The following CELF4 variants were observed in gnomAD, a reference collection of about 807,000 sequenced individuals.
CELF4 encodes the protein CUGBP Elav-like family member 4, also known as CUG-BP- and ETR-3-like factor 4.
CELF4 carries 18 observed loss-of-function variants against 59.9 expected under a neutral mutation model. The ratio of observed to expected loss-of-function variants is 0.30; its 90% CI spans 0.21 to 0.45. The LOEUF is 0.45. Among genes scored for constraint, CELF4 ranks in the 20% least tolerant of loss-of-function variants. CELF4 has a pLI of 1.00. For synonymous variants in CELF4, 261 were observed against 267.1 expected (o/e 0.98, Z 0.22); for missense variants, 456 against 689.0 (o/e 0.66, Z 3.79).
intron 1 of CELF4, among the ~76,000 whole-genome samples, chr18:37,500,375 C>T (rs1331181926): frequency 6.6e-6 from 1 of 152,308 alleles, no homozygotes; most frequent in East Asian, 1.9e-4. Context: ...GTTGTGGAGA[C>T]CCAGACCCAG....
intron 2 of CELF4, among the ~76,000 whole-genome samples, chr18:37,440,554 G>C (rs996535444): frequency 9.9e-5 from 15 of 152,194 alleles, no homozygotes; most frequent in African/African-American, 3.6e-4. Context: ...CAGGAGGGAA[G>C]GGAGGCACAG....
At chr18:37,459,908 C>T (rs2099788895) in intron 2 of CELF4, among the ~76,000 whole-genome samples, 1 of 152,124 alleles carries the variant, frequency 6.6e-6, no homozygotes, top group Non-Finnish European at 1.5e-5. Flanking sequence ...TACATACGTC[C>T]TTGGAAGGCA....
intron 6 of CELF4, 124 bp from the exon 7 acceptor site, chr18:37,273,287 C>T: frequency 6.9e-7 from 1 of 1,449,962 alleles, no homozygotes; most frequent in Admixed American, 2.7e-5. Context: ...AACTACCACT[C>T]CAGAAAGCCC....
chr18:37,433,045 A>C (rs750180103), intron 2 of CELF4, among the ~76,000 whole-genome samples: 4 of 152,128 alleles, frequency 2.6e-5, no homozygotes, highest in Non-Finnish European at 5.9e-5. Flanking sequence ...ATACAAAACC[A>C]ATGAGTGGAT....
chr18:37,479,115 A>C (rs981619920), intron 2 of CELF4, among the ~76,000 whole-genome samples: 1 of 152,170 alleles, frequency 6.6e-6, no homozygotes, highest in Admixed American at 6.5e-5. Context: ...GTGCATGTGA[A>C]CGGCAGGCGA....
chr18:37,495,076 A>G lies in CELF4; in HGVS notation c.287-9469T>C, dbSNP rs143679750. On this transcript the variant is annotated intron_variant, in intron 1 of 12. Coordinates refer to ENST00000420428, the MANE Select transcript of CELF4 (RefSeq NM_020180.4). ...AATGCATTTGGGGCATTTGCTATTC[A>G]CATGAGTGCCAGGATAAATTCTTTG... 2.2e-4 allele frequency among the ~76,000 whole-genome samples: 33 copies of G among 152,340 alleles called. No individual in the cohort carries two copies. The East Asian group carries it at 5.0e-3, about 23-fold the overall frequency.
At chr18:37,462,223 G>T (rs1236356304) in intron 2 of CELF4, among the ~76,000 whole-genome samples, 1 of 152,106 alleles carries the variant, frequency 6.6e-6, no homozygotes, top group African/African-American at 2.4e-5. Flanking sequence ...GGCCTCTCTG[G>T]CATTGCCTGG....
chr18:37,303,935 G>A (rs1425410924), intron 3 of CELF4, among the ~76,000 whole-genome samples: 2 of 152,206 alleles, frequency 1.3e-5, no homozygotes, highest in Non-Finnish European at 2.9e-5. Context: ...TAGCATCATA[G>A]GAGAAGGCTT....
intron 2 of CELF4, among the ~76,000 whole-genome samples, chr18:37,383,265 T>G (rs530820): frequency 0.84 from 128,488 of 152,094 alleles, 54,371 homozygotes; most frequent in East Asian, 0.93. Context: ...GGCCACTGGG[T>G]GAAGCAGGAG....
intron 3 of CELF4, among the ~76,000 whole-genome samples, chr18:37,300,821 C>T (rs145734022): frequency 0.012 from 1,788 of 152,268 alleles, 10 homozygotes; most frequent in Non-Finnish European, 0.017. Context: ...GACACAGAAG[C>T]TGAGACAGGG....
intron 5 of CELF4, 99 bp from the exon 6 acceptor site, chr18:37,274,553 C>T (rs750888818): frequency 6.3e-7 from 1 of 1,593,584 alleles, no homozygotes; most frequent in Admixed American, 1.7e-5. Flanking sequence ...CTCCTCGGGG[C>T]GCTTTGGAGG....
At chr18:37,415,682 A>C (rs2099521675) in intron 2 of CELF4, among the ~76,000 whole-genome samples, 1 of 152,222 alleles carries the variant, frequency 6.6e-6, no homozygotes, top group Non-Finnish European at 1.5e-5. Flanking sequence ...GTTCCCCCTT[A>C]ATATTCTGCT....
intron 2 of CELF4, among the ~76,000 whole-genome samples, chr18:37,441,040 C>T (rs1569569420): frequency 6.6e-6 from 1 of 152,216 alleles, no homozygotes; most frequent in Non-Finnish European, 1.5e-5. Flanking sequence ...ACCGTATCTG[C>T]CGCTGCTGAT....
At chr18:37,524,643 G>A (rs1489978673) in intron 1 of CELF4, among the ~76,000 whole-genome samples, 1 of 152,204 alleles carries the variant, frequency 6.6e-6, no homozygotes, top group Non-Finnish European at 1.5e-5. Context: ...GATATTAGCC[G>A]ACCTCTGGCG....
Position 37,321,826 on chromosome 18 carries a change from C to T in CELF4, c.425G>A (p.Ser142Asn), listed in dbSNP as rs2097133559. 6.2e-7 allele frequency: 1 copy of T among 1,613,076 alleles called. No homozygotes were observed. Among genetic ancestry groups the T allele is most frequent in the Non-Finnish European group, 8.5e-7 (1 of 1,179,466 alleles). ...PADSESRGGS[S>N]CLRQPPSQDR... ...ACGTGAAGGGGGCTGGCGCAGGCAGCTACTACCTCCTCGGCTCTCGCTGTC... is the reference window on the plus strand; with the variant it reads ...ACGTGAAGGGGGCTGGCGCAGGCAGTTACTACCTCCTCGGCTCTCGCTGTC... The change falls in exon 3 of 13, where the codon AGC (serine) becomes AAC (asparagine). Residue 142 changes from serine (S) to asparagine (N), a missense_variant. Around this residue, in one of 7 missense-constraint regions of CELF4, gnomAD observed 63 missense variants for 110.6 expected, o/e 0.57. Coordinates refer to ENST00000420428, the MANE Select transcript of CELF4 (RefSeq NM_020180.4).
chr18:37,374,485 C>A (rs2098942073), intron 2 of CELF4, among the ~76,000 whole-genome samples: 2 of 152,306 alleles, frequency 1.3e-5, no homozygotes, highest in South Asian at 4.1e-4. Context: ...TCACTGGCAA[C>A]TGAGAGGCTC....
intron 3 of CELF4, among the ~76,000 whole-genome samples, chr18:37,311,544 C>T (rs150747683): frequency 0.015 from 2,339 of 152,304 alleles, 62 homozygotes; most frequent in African/African-American, 0.053. Flanking sequence ...AATCCCAGCA[C>T]TTTGGGAGGC....
At chr18:37,543,039 T>C (rs544509220) in intron 1 of CELF4, among the ~76,000 whole-genome samples, 2 of 152,238 alleles carry the variant, frequency 1.3e-5, no homozygotes, top group African/African-American at 4.8e-5. Flanking sequence ...CTGCATGGAC[T>C]CAGCACCTCT....
intron 1 of CELF4, among the ~76,000 whole-genome samples, chr18:37,508,429 C>T (rs965467868): frequency 6.6e-6 from 1 of 152,186 alleles, no homozygotes; most frequent in Non-Finnish European, 1.5e-5. Context: ...GGCAGGTGTC[C>T]AGGTCTTGGG....
Sources: allele counts gnomAD v4.1 joint callset (sites outside exome capture counted in the v4.1 genomes callset), GRCh38; gene constraint gnomAD v4.1.1; regional missense constraint gnomAD v4.1.1; transcripts MANE v1.5; gene names NCBI Gene and HGNC (gene_info 2026-07-23, HGNC 2026-07-21).